Variants in TBXAS1 observed in about 807,000 individuals in gnomAD.
TBXAS1 encodes thromboxane-A synthase.
In TBXAS1, 48 loss-of-function variants were observed where a neutral mutation model predicts 60.7. The ratio of observed to expected loss-of-function variants is 0.79; its 90% CI spans 0.63 to 1.01. The LOEUF is 1.01. TBXAS1 is among the 50% of genes least tolerant of loss of function. TBXAS1 has a pLI of 0.00. For synonymous variants in TBXAS1, 287 were observed against 269.7 expected (o/e 1.06, Z -0.63); for missense variants, 685 against 686.3 (o/e 1.00, Z 0.02).
intron 9 of TBXAS1, among the ~76,000 whole-genome samples, chr7:139,976,531 A>G (rs1811576741): frequency 1.3e-5 from 2 of 152,192 alleles, no homozygotes; most frequent in African/African-American, 4.8e-5. Context: ...TCAGACAGCA[A>G]AAGACTCTAA....
chr7:139,800,423 T>G (rs1029251002), intron 4 of TBXAS1, among the ~76,000 whole-genome samples: 1 of 152,130 alleles, frequency 6.6e-6, no homozygotes, highest in Admixed American at 6.5e-5. Flanking sequence ...TTTGATCCAT[T>G]CCACCTCTCA....
chr7:139,833,509 C>CAAA (rs56291914), intron 1 of TBXAS1, among the ~76,000 whole-genome samples: 6 of 74,406 alleles, frequency 8.1e-5, no homozygotes, highest in African/African-American at 2.0e-4. Flanking sequence ...ACTAAAAATA[C>CAAA]AAAAAAAAAA....
At chr7:139,805,988 G>A (rs1397369167) in intron 4 of TBXAS1, among the ~76,000 whole-genome samples, 1 of 128,090 alleles carries the variant, frequency 7.8e-6, no homozygotes, top group Non-Finnish European at 1.5e-5. Context: ...AGGCCAGACT[G>A]CAGTGGCGCT....
rs1046690321 is a variant in TBXAS1 at position 140,013,054 on chromosome 7, C to T, written c.1227-2669C>T. Among the ~76,000 whole-genome samples the T allele has an allele frequency of 6.8e-6, 1 of 147,812 alleles. No individual in the cohort carries two copies. The highest frequency in any genetic ancestry group is 2.5e-5 in the African/African-American group (1 of 39,656). On this transcript the variant is annotated intron_variant, in intron 10 of 12. Transcript: ENST00000448866. The surrounding 1 kb of genome is among the most constrained non-coding windows in gnomAD (Gnocchi z 4.2). ...GAGCTGAGATCGCGCCACTGCACTC[C>T]AGCCTGGGCAACAGAGCGAGACTCC...
At chr7:139,908,482 A>G (rs559042517) in intron 3 of TBXAS1, among the ~76,000 whole-genome samples, 19 of 152,094 alleles carry the variant, frequency 1.2e-4, no homozygotes, top group Non-Finnish European at 2.2e-4. Flanking sequence ...GGCTTATCAT[A>G]ATTTTAAAAT....
chr7:139,864,226 A>G (rs1801183912), intron 1 of TBXAS1, among the ~76,000 whole-genome samples: 1 of 151,986 alleles, frequency 6.6e-6, no homozygotes, highest in African/African-American at 2.4e-5. Flanking sequence ...CAGAAGGATC[A>G]TTGATTACAA....
chr7:139,850,960 GATA>G (rs779523589), intron 1 of TBXAS1, among the ~76,000 whole-genome samples: 13 of 152,316 alleles, frequency 8.5e-5, no homozygotes, highest in Non-Finnish European at 1.5e-4. Flanking sequence ...ATGATGAGAG[GATA>G]ATTTCTGTTG....
At chr7:139,908,948 C>T (rs1012868868) in intron 3 of TBXAS1, among the ~76,000 whole-genome samples, 2 of 152,146 alleles carry the variant, frequency 1.3e-5, no homozygotes, top group Non-Finnish European at 2.9e-5. Flanking sequence ...AAATAGATGA[C>T]TTGTGATTGA....
intron 6 of TBXAS1, among the ~76,000 whole-genome samples, chr7:139,954,590 T>C (rs1809687330): frequency 6.6e-6 from 1 of 152,264 alleles, no homozygotes; most frequent in Admixed American, 6.5e-5. Context: ...AGTGTGTGCC[T>C]ACATTGAGAA....
intron 9 of TBXAS1, among the ~76,000 whole-genome samples, chr7:140,005,250 G>A (rs1813982028): frequency 6.6e-6 from 1 of 152,200 alleles, no homozygotes; most frequent in Admixed American, 6.5e-5. Context: ...CCAACATGGT[G>A]AAACCCCATC....
chr7:140,015,700 C>A (rs1291258087), intron 10 of TBXAS1, 23 bp from the exon 11 acceptor site: 2 of 1,612,146 alleles, frequency 1.2e-6, no homozygotes, highest in Non-Finnish European at 1.7e-6. Flanking sequence ...CTGTATCCAC[C>A]CCCGACCTGG....
intron 4 of TBXAS1, among the ~76,000 whole-genome samples, chr7:139,820,340 G>C (rs1365410632): frequency 1.3e-5 from 2 of 152,174 alleles, no homozygotes; most frequent in Non-Finnish European, 2.9e-5. Flanking sequence ...AATTGATAGA[G>C]AGGCTGAAAT....
At chr7:139,895,251 G>A (rs1191122791) in intron 3 of TBXAS1, among the ~76,000 whole-genome samples, 1 of 152,226 alleles carries the variant, frequency 6.6e-6, no homozygotes, top group Non-Finnish European at 1.5e-5. Flanking sequence ...GCTGGAGAGA[G>A]GGACACAGAT....
intron 7 of TBXAS1, among the ~76,000 whole-genome samples, chr7:139,956,240 G>A (rs528294858): frequency 3.0e-4 from 46 of 152,210 alleles, no homozygotes; most frequent in Admixed American, 4.6e-4. Context: ...TCCGCCTCCT[G>A]GGTTCAAGCG....
At chr7:139,970,281 AT>A (rs1212030159) in intron 9 of TBXAS1, among the ~76,000 whole-genome samples, 11 of 152,014 alleles carry the variant, frequency 7.2e-5, no homozygotes, top group African/African-American at 2.7e-4. Context: ...TAATTTTTGT[AT>A]TTTTAGTAGA....
intron 4 of TBXAS1, among the ~76,000 whole-genome samples, chr7:139,787,872 C>T (rs527901907): frequency 1.3e-5 from 2 of 152,268 alleles, no homozygotes; most frequent in Admixed American, 1.3e-4. Flanking sequence ...AATAAAAACA[C>T]ATAAGACTAC....
chr7:140,011,376 A>G (rs2116426040), intron 10 of TBXAS1, among the ~76,000 whole-genome samples: 1 of 137,532 alleles, frequency 7.3e-6, no homozygotes, highest in Non-Finnish European at 1.6e-5. Context: ...CTCCATCCCA[A>G]TCCCATCCCC....
At chr7:139,927,342 T>C (rs976543293) in intron 4 of TBXAS1, among the ~76,000 whole-genome samples, 17 of 151,770 alleles carry the variant, frequency 1.1e-4, no homozygotes, top group Non-Finnish European at 2.1e-4. Flanking sequence ...ATCTTGCAAA[T>C]AATCTTGTAA....
chr7:139,796,416 A>G (rs6958644), intron 4 of TBXAS1, among the ~76,000 whole-genome samples: 86,940 of 152,102 alleles, frequency 0.57, 25,440 homozygotes, highest in East Asian at 0.95. Flanking sequence ...GATTCCAACT[A>G]TGATATTCTG....
Sources: gnomAD v4.1 joint callset for allele counts (sites outside exome capture counted in the v4.1 genomes callset) on GRCh38, gnomAD v4.1.1 for gene constraint, Gnocchi (gnomAD v3.1) non-coding constraint, MANE v1.5 for transcripts, NCBI Gene and HGNC (gene_info 2026-07-23, HGNC 2026-07-21) for gene names.